IMMP2L: variants seen among roughly 807,000 people sequenced by gnomAD.
IMMP2L encodes the protein inner mitochondrial membrane peptidase subunit 2, also known as mitochondrial inner membrane protease subunit 2.
A neutral mutation model predicts 19.3 loss-of-function variants in IMMP2L; 18 were observed. The ratio of observed to expected loss-of-function variants is 0.93; its 90% CI spans 0.64 to 1.38. The LOEUF is 1.38. Ranked by LOEUF, IMMP2L falls within the 40% of genes most tolerant of loss-of-function variation. The pLI, the probability that IMMP2L is intolerant of heterozygous loss-of-function variation, is 0.00. For missense variants in IMMP2L, 233 were observed against 218.2 expected, an observed-to-expected ratio of 1.07 and a Z score of -0.43; for synonymous variants, 76 against 73.0, an observed-to-expected ratio of 1.04 and a Z score of -0.21.
chr7:111,529,171 T>G (rs2529490), intron 1 of IMMP2L, among the ~76,000 whole-genome samples: 11,986 of 152,246 alleles, frequency 0.079, 605 homozygotes, highest in African/African-American at 0.13. Flanking sequence ...AAGAAACAAG[T>G]ATATGACCAT....
In IMMP2L at chr7:111,251,638, C is replaced by T. The variant is rs1419026257; in HGVS notation, c.239+235600G>A. On this transcript the variant is annotated intron_variant, in intron 3 of 5. Coordinates refer to ENST00000405709, the MANE Select transcript of IMMP2L (RefSeq NM_032549.4). ...AGCAGTTATCCTTAGCAAACTAACA[C>T]AGGAACAGAAAACCAAACACCACGT... 2.0e-5 allele frequency among the ~76,000 whole-genome samples: 3 copies of T among 152,098 alleles called. No individual in the cohort carries two copies. The East Asian group carries it at 5.8e-4, about 29-fold the overall frequency.
At chr7:110,759,152 A>G (rs2130957516) in intron 5 of IMMP2L, among the ~76,000 whole-genome samples, 1 of 152,152 alleles carries the variant, frequency 6.6e-6, no homozygotes, top group South Asian at 2.1e-4. Context: ...ATCCTTGGAG[A>G]CACAGCTCAA....
intron 3 of IMMP2L, among the ~76,000 whole-genome samples, chr7:111,154,030 G>C (rs983601890): frequency 6.6e-6 from 1 of 151,978 alleles, no homozygotes; most frequent in South Asian, 2.1e-4. Context: ...TACTAACAAG[G>C]CTCTCCTGTA....
intron 3 of IMMP2L, among the ~76,000 whole-genome samples, chr7:111,256,343 C>T (rs563181205): frequency 1.3e-5 from 2 of 151,990 alleles, no homozygotes; most frequent in African/African-American, 4.8e-5. Context: ...TGAACTATAA[C>T]AATTTTTTAT....
In IMMP2L at chr7:110,681,053, T is replaced by TAA. The variant is rs56082024; in HGVS notation, c.409-17334_409-17333dup. On this transcript the variant is annotated intron_variant, in intron 5 of 5. Coordinates refer to ENST00000405709, the MANE Select transcript of IMMP2L (RefSeq NM_032549.4). ...CTTTTCTTCTAAAATTAGTAAGGAT[T>TAA]AAAAAAAAAAACACAAAACAAAGTG... 4.5e-3 allele frequency among the ~76,000 whole-genome samples: 667 copies of TAA among 147,000 alleles called. 6 individuals carry two copies. The highest frequency in any genetic ancestry group is 0.015 in the African/African-American group (624 of 40,324).
intron 5 of IMMP2L, among the ~76,000 whole-genome samples, chr7:110,782,332 TAAAC>T (rs998727412): frequency 2.6e-5 from 4 of 151,912 alleles, no homozygotes; most frequent in African/African-American, 9.6e-5. Flanking sequence ...GGGGAAAAAA[TAAAC>T]AAACAGCATA....
At chr7:111,032,246 C>T (rs1263248734) in intron 3 of IMMP2L, among the ~76,000 whole-genome samples, 2 of 151,984 alleles carry the variant, frequency 1.3e-5, no homozygotes, top group East Asian at 3.9e-4. Flanking sequence ...TGACCTGGAC[C>T]ATTAGTACTG....
At chr7:111,325,751 C>T (rs551022238) in intron 3 of IMMP2L, among the ~76,000 whole-genome samples, 2 of 151,540 alleles carry the variant, frequency 1.3e-5, no homozygotes, top group East Asian at 1.9e-4. Context: ...CTTTACATTC[C>T]GACCACGAGT....
chr7:111,105,670 G>A (rs898380880), intron 3 of IMMP2L, among the ~76,000 whole-genome samples: 4 of 151,604 alleles, frequency 2.6e-5, no homozygotes, highest in Non-Finnish European at 5.9e-5. Flanking sequence ...CTCCTGACAG[G>A]TCTATTTTCC....
At chr7:111,084,188 A>G (rs1188088980) in intron 3 of IMMP2L, among the ~76,000 whole-genome samples, 2 of 152,080 alleles carry the variant, frequency 1.3e-5, no homozygotes, top group Non-Finnish European at 2.9e-5. Context: ...AAGATAATTT[A>G]AGAAAACTTC....
chr7:111,090,209 G>A (rs1253593571), intron 3 of IMMP2L, among the ~76,000 whole-genome samples: 3 of 152,016 alleles, frequency 2.0e-5, no homozygotes, highest in Non-Finnish European at 4.4e-5. Flanking sequence ...ATGTGTTTCT[G>A]TGTTTTCCAA....
At chr7:111,078,938 C>T (rs1214610032) in intron 3 of IMMP2L, among the ~76,000 whole-genome samples, 1 of 152,000 alleles carries the variant, frequency 6.6e-6, no homozygotes, top group Non-Finnish European at 1.5e-5. Flanking sequence ...CCATGTTGGC[C>T]AGGCTGGTCT....
At chr7:111,506,300 A>C (rs1175761972) in intron 2 of IMMP2L, among the ~76,000 whole-genome samples, 2 of 152,054 alleles carry the variant, frequency 1.3e-5, no homozygotes, top group Non-Finnish European at 2.9e-5. Context: ...CTCTTTCTAA[A>C]TTGACCCCAT....
intron 2 of IMMP2L, among the ~76,000 whole-genome samples, chr7:111,492,121 G>A (rs898305761): frequency 1.1e-4 from 16 of 151,588 alleles, no homozygotes; most frequent in African/African-American, 3.9e-4. Context: ...GAGTCTATAA[G>A]CTCTTTTTTT....
intron 3 of IMMP2L, among the ~76,000 whole-genome samples, chr7:111,316,618 G>T (rs569851927): frequency 6.6e-6 from 1 of 151,686 alleles, no homozygotes; most frequent in Non-Finnish European, 1.5e-5. Context: ...GGAGTAGAGA[G>T]AATAAACAAA....
chr7:111,222,228 A>T (rs111930014), intron 3 of IMMP2L, among the ~76,000 whole-genome samples: 7 of 152,134 alleles, frequency 4.6e-5, no homozygotes, highest in Admixed American at 3.9e-4. Context: ...GATTGATTAG[A>T]CCTAATGTGA....
intron 4 of IMMP2L, among the ~76,000 whole-genome samples, chr7:110,950,858 A>ATATG (rs1554470740): frequency 1.3e-3 from 174 of 136,296 alleles, no homozygotes; most frequent in African/African-American, 4.7e-3. Flanking sequence ...ATATATATAT[A>ATATG]TATATATATA....
intron 1 of IMMP2L, among the ~76,000 whole-genome samples, chr7:111,543,673 A>G (rs902575803): frequency 5.9e-5 from 9 of 152,206 alleles, no homozygotes; most frequent in African/African-American, 2.2e-4. Flanking sequence ...CATCTTTGTT[A>G]AAAGCAAAAG....
chr7:110,921,659 T>C (rs889237175), intron 4 of IMMP2L, among the ~76,000 whole-genome samples: 6 of 152,182 alleles, frequency 3.9e-5, no homozygotes, highest in African/African-American at 1.4e-4. Flanking sequence ...CTATTCAGAC[T>C]GGAAGCATTG....
Sources: gnomAD v4.1 joint callset for allele counts (sites outside exome capture counted in the v4.1 genomes callset) on GRCh38, gnomAD v4.1.1 for gene constraint, MANE v1.5 for transcripts, NCBI Gene and HGNC (gene_info 2026-07-23, HGNC 2026-07-21) for gene names.